The following TMEM164 variants were observed in gnomAD, a reference collection of about 807,000 sequenced individuals.
TMEM164 encodes transmembrane protein 164.
Under a neutral mutation model 18.8 loss-of-function variants are expected in TMEM164, and 4 were observed. That is an observed-to-expected ratio of 0.21 (90% confidence interval 0.10 to 0.49). The LOEUF (loss-of-function observed/expected upper bound fraction) is 0.49. Among genes scored for constraint, TMEM164 ranks in the 20% least tolerant of loss-of-function variants. TMEM164 has a pLI of 0.98. For missense variants in TMEM164, 108 were observed against 239.9 expected, an observed-to-expected ratio of 0.45 and a Z score of 3.63; for synonymous variants, 86 against 101.7, an observed-to-expected ratio of 0.85 and a Z score of 0.93.
Position 110,173,821 on chromosome X carries a change from C to G in TMEM164, c.*370C>G. On this transcript the variant is annotated 3_prime_UTR_variant, in exon 7 of 7. Transcript: ENST00000372068. ...AGTAGTAGTTCTTTTGGCATCGAAGCAATGAGATTGGGTTGTGTTTCATTT... is the reference window on the plus strand; with the variant it reads ...AGTAGTAGTTCTTTTGGCATCGAAGGAATGAGATTGGGTTGTGTTTCATTT... 5.3e-6 allele frequency: 1 copy of G among 187,594 alleles called. No individual in the cohort carries two copies. The allele number at this position is 187,594 out of a possible 1,213,427, so 15.5% of individuals were successfully genotyped here.
intron 6 of TMEM164, 117 bp downstream of exon 6, chrX:110,171,637 A>T (rs1340254164): frequency 3.2e-6 from 2 of 619,898 alleles, no homozygotes; most frequent in East Asian, 6.5e-5. Flanking sequence ...GCTAAAGGCC[A>T]GGATGTCAGA....
intron 3 of TMEM164, among the ~76,000 whole-genome samples, chrX:110,081,159 C>A (rs1354923512): frequency 7.2e-5 from 8 of 110,951 alleles, no homozygotes; most frequent in Non-Finnish European, 1.3e-4. Flanking sequence ...TAGTATTGTT[C>A]TTTACTGTTT....
At position 110,176,370 on chromosome X, in the gene TMEM164, C is replaced by T. The variant is rs2067289676; in HGVS notation, c.*2919C>T. The T allele has an allele frequency of 1.1e-5, 8 of 754,764 alleles. No individual in the cohort carries two copies. The highest frequency in any genetic ancestry group is 1.3e-5 in the Non-Finnish European group (8 of 639,281). The allele number at this position is 754,764 out of a possible 1,213,427, so 62.2% of individuals were successfully genotyped here. The stretch of plus-strand genomic sequence containing the variant: ...GCCCATCTTCCTCCCAGAGGCACAA[C>T]AGTAACATGTTCCTCTGTCAGCCTG... On this transcript the variant is annotated 3_prime_UTR_variant, in exon 7 of 7. Coordinates refer to ENST00000372068, the MANE Select transcript of TMEM164 (RefSeq NM_032227.4).
downstream of TMEM164, among the ~76,000 whole-genome samples, chrX:110,184,099 A>T (rs2067332891): frequency 9.0e-6 from 1 of 111,331 alleles, no homozygotes; most frequent in Non-Finnish European, 1.9e-5. Context: ...CAGTTGTAAC[A>T]AATGTGCCAC....
intron 4 of TMEM164, among the ~76,000 whole-genome samples, chrX:110,135,337 A>C (rs1259366267): frequency 1.8e-5 from 2 of 111,967 alleles, no homozygotes; most frequent in Non-Finnish European, 1.9e-5. Flanking sequence ...AGGTGGAGTA[A>C]TACATCTTCC....
intron 2 of TMEM164, among the ~76,000 whole-genome samples, chrX:110,014,077 A>G (rs1043463388): frequency 9.0e-6 from 1 of 111,639 alleles, no homozygotes; most frequent in African/African-American, 3.3e-5. Context: ...AGTGAGAAAA[A>G]TGAGAAAATA....
chrX:110,158,847 T>C (rs140579873), intron 5 of TMEM164, among the ~76,000 whole-genome samples: 1,737 of 112,301 alleles, frequency 0.015, 16 homozygotes, highest in Non-Finnish European at 0.026. Flanking sequence ...ATACTGGTTC[T>C]CCTCCTTACT....
intron 5 of TMEM164, among the ~76,000 whole-genome samples, chrX:110,168,481 G>A: frequency 8.9e-6 from 1 of 112,605 alleles, no homozygotes; most frequent in Non-Finnish European, 1.9e-5. Flanking sequence ...CTGGCAGTGC[G>A]TGAGAGTTCA....
rs1427337305 is a variant in TMEM164, at chrX:110,173,814, A to G, written c.*363A>G. The G allele has an allele frequency of 5.2e-6, 1 of 192,042 alleles. No homozygotes were observed. The highest frequency in any genetic ancestry group is 1.4e-4 in the East Asian group (1 of 6,949). 15.8% of individuals were successfully genotyped at this position (192,042 alleles called of 1,213,427 possible). On this transcript the variant is annotated 3_prime_UTR_variant, in exon 7 of 7. Transcript: ENST00000372068. ...AACAACAAGTAGTAGTTCTTTTGGC[A>G]TCGAAGCAATGAGATTGGGTTGTGT...
chrX:110,176,294 T>G lies in TMEM164; in HGVS notation c.*2843T>G, dbSNP rs2067288851. 1 of 754,625 alleles carries G rather than the reference T, an allele frequency of 1.3e-6. No individual in the cohort carries two copies. The highest frequency in any genetic ancestry group is 2.3e-5 in the African/African-American group (1 of 43,169). 62.2% of individuals were successfully genotyped at this position (754,625 alleles called of 1,213,427 possible). On this transcript the variant is annotated 3_prime_UTR_variant, in exon 7 of 7. Coordinates refer to ENST00000372068, the MANE Select transcript of TMEM164 (RefSeq NM_032227.4). ...TAGCAGAGACCCAGTCACGCCTGCTTCTGGTCCTCCCTGCCCTCAGTATTT... is the reference window on the plus strand; with the variant it reads ...TAGCAGAGACCCAGTCACGCCTGCTGCTGGTCCTCCCTGCCCTCAGTATTT...
intron 3 of TMEM164, among the ~76,000 whole-genome samples, chrX:110,070,782 C>CT (rs1207870306): frequency 9.0e-6 from 1 of 111,311 alleles, no homozygotes; most frequent in East Asian, 2.8e-4. Flanking sequence ...CATTCCCCCT[C>CT]TCCCCCAACC....
At chrX:110,115,945 G>T (rs1197203014) in intron 4 of TMEM164, among the ~76,000 whole-genome samples, 1 of 110,655 alleles carries the variant, frequency 9.0e-6, no homozygotes, top group African/African-American at 3.3e-5. Flanking sequence ...AAAAATAGCT[G>T]GGCGTGGTGG....
At chrX:110,035,229 A>C (rs1934734260) in intron 2 of TMEM164, among the ~76,000 whole-genome samples, 1 of 110,409 alleles carries the variant, frequency 9.1e-6, no homozygotes, top group Non-Finnish European at 1.9e-5. Context: ...ATAATAATAA[A>C]ATAAAATTAA....
chrX:110,108,961 G>A, intron 3 of TMEM164, 119 bp from the exon 4 acceptor site: 1 of 627,230 alleles, frequency 1.6e-6, no homozygotes, highest in Non-Finnish European at 2.6e-6. Flanking sequence ...ATTTTCCACA[G>A]AGAGCAACTT....
chrX:110,010,425 A>G (rs1450760923), intron 2 of TMEM164, among the ~76,000 whole-genome samples: 2 of 112,863 alleles, frequency 1.8e-5, no homozygotes, highest in Admixed American at 9.3e-5. Context: ...TGGCTGAGTG[A>G]ATGCGAAGAG....
At position 110,067,321 on chromosome X, in the gene TMEM164, C is replaced by A. The variant is rs112719746; in HGVS notation, c.391-26C>A. 94 of 1,202,906 alleles carry A rather than the reference C, an allele frequency of 7.8e-5. 3 individuals carry two copies. Among genetic ancestry groups the A allele is most frequent in the African/African-American group, 6.5e-4 (37 of 57,122 alleles). ...CTGTCTGGCATTTTTTCTTGCTAAC[C>A]ATTCTTAATTCTTCTTCAATTGCAG... is the stretch of plus-strand genomic sequence containing the variant. On this transcript the variant is annotated intron_variant, in intron 2 of 6. Coordinates refer to ENST00000372068, the MANE Select transcript of TMEM164 (RefSeq NM_032227.4).
chrX:110,071,678 G>A (rs950362412), intron 3 of TMEM164, among the ~76,000 whole-genome samples: 11 of 90,708 alleles, frequency 1.2e-4, no homozygotes, highest in Non-Finnish European at 2.2e-4. Context: ...CCAGGAATTC[G>A]GGACCAGCCT....
chrX:110,096,503 TC>T (rs1241367377), intron 3 of TMEM164, among the ~76,000 whole-genome samples: 1 of 112,601 alleles, frequency 8.9e-6, no homozygotes, highest in Non-Finnish European at 1.9e-5. Flanking sequence ...CGAGATATAA[TC>T]TCCTGGTGCG....
chrX:110,064,285 C>T (rs1299042275), intron 2 of TMEM164, among the ~76,000 whole-genome samples: 1 of 111,917 alleles, frequency 8.9e-6, no homozygotes, highest in Non-Finnish European at 1.9e-5. Context: ...TCATCTCTTC[C>T]TATTCTATTT....
Sources: gnomAD v4.1 joint callset for allele counts (sites outside exome capture counted in the v4.1 genomes callset) on GRCh38, gnomAD v4.1.1 for gene constraint, MANE v1.5 for transcripts, NCBI Gene and HGNC (gene_info 2026-07-23, HGNC 2026-07-21) for gene names.